The following ASH1L variants were observed in gnomAD, a reference collection of about 807,000 sequenced individuals.
ASH1L encodes ASH1 like histone lysine methyltransferase.
In ASH1L, 23 loss-of-function variants were observed where a neutral mutation model predicts 269.0. The observed-to-expected ratio is 0.09, with a 90% CI of 0.06 to 0.12. The LOEUF (loss-of-function observed/expected upper bound fraction) is 0.12, where lower values mean the gene tolerates loss of function less well. ASH1L is among the 10% of genes least tolerant of loss of function. The pLI, the probability that ASH1L is intolerant of heterozygous loss-of-function variation, is 1.00. For synonymous variants in ASH1L, 1,187 were observed against 1,253.5 expected (o/e 0.95, Z 1.12); for missense variants, 2,912 against 3,567.8 (o/e 0.82, Z 4.68).
At chr1:155,408,000 C>T (rs1428073477) in intron 6 of ASH1L, among the ~76,000 whole-genome samples, 1 of 152,110 alleles carries the variant, frequency 6.6e-6, no homozygotes, top group Non-Finnish European at 1.5e-5. Context: ...AAACTGATTA[C>T]TGTACACTTA....
intron 2 of ASH1L, among the ~76,000 whole-genome samples, chr1:155,500,862 G>A (rs1038538879): frequency 1.3e-5 from 2 of 152,154 alleles, no homozygotes; most frequent in African/African-American, 4.8e-5. Flanking sequence ...CAGCTACTCA[G>A]GAGACTGAGG....
In ASH1L at chr1:155,374,331, G is replaced by GA. The variant is rs968493399; in HGVS notation, c.6333-3349dup. Among the ~76,000 whole-genome samples the GA allele has an allele frequency of 1.5e-4, 22 of 146,718 alleles. No homozygotes were observed. The South Asian group carries it at 1.5e-3, about 10-fold the overall frequency. On this transcript the variant is annotated intron_variant, in intron 10 of 27. Transcript: ENST00000392403. ...CAGAGCGAGACTGTCTCAAAAAAAG[G>GA]AAAAAAAAAAGTGAAAAGTTTTGTA...
chr1:155,506,084 C>G (rs1394774031), intron 2 of ASH1L, among the ~76,000 whole-genome samples: 1 of 151,968 alleles, frequency 6.6e-6, no homozygotes, highest in Admixed American at 6.6e-5. Flanking sequence ...TGAGAACATG[C>G]AGTGTTTGGT....
At chr1:155,475,202 T>C (rs1392323695) in intron 3 of ASH1L, among the ~76,000 whole-genome samples, 1 of 152,112 alleles carries the variant, frequency 6.6e-6, no homozygotes. Context: ...ACTGGCGTGA[T>C]CTGGGCTCAC....
At chr1:155,455,613 G>T (rs1325385837) in intron 4 of ASH1L, among the ~76,000 whole-genome samples, 1 of 152,106 alleles carries the variant, frequency 6.6e-6, no homozygotes. Flanking sequence ...GCAAAATAAA[G>T]GCTGTCATTC....
chr1:155,425,493 C>G (rs1278341712), intron 5 of ASH1L, among the ~76,000 whole-genome samples: 1 of 150,340 alleles, frequency 6.7e-6, no homozygotes, highest in Non-Finnish European at 1.5e-5. Context: ...GGCTGGAGTG[C>G]AATGGTGCGA....
Position 155,542,579 on chromosome 1 carries a change from G to A in ASH1L, c.-100+19574C>T, listed in dbSNP as rs956280886. 4.4e-4 allele frequency among the ~76,000 whole-genome samples: 66 copies of A among 151,576 alleles called. 1 individual carries two copies. On this transcript the variant is annotated intron_variant, in intron 1 of 27. Transcript: ENST00000392403. The stretch of plus-strand genomic sequence containing the variant: ...AATAAATAAATAATTACATTTTGGC[G>A]ATGATTACAGCCTGTCAACTGAAGG...
At chr1:155,390,980 C>G (rs1445709098) in intron 7 of ASH1L, among the ~76,000 whole-genome samples, 1 of 151,006 alleles carries the variant, frequency 6.6e-6, no homozygotes, top group Non-Finnish European at 1.5e-5. Flanking sequence ...GAGTCTTGCT[C>G]TGTTGCCCAG....
chr1:155,418,854 G>A (rs962852556), intron 5 of ASH1L, among the ~76,000 whole-genome samples: 4 of 152,028 alleles, frequency 2.6e-5, no homozygotes, highest in African/African-American at 9.7e-5. Context: ...TGGATCACGA[G>A]GTCAGGAGAT....
intron 7 of ASH1L, among the ~76,000 whole-genome samples, chr1:155,382,024 T>C (rs982929197): frequency 6.7e-6 from 1 of 149,922 alleles, no homozygotes; most frequent in East Asian, 2.0e-4. Flanking sequence ...CTGGCCAACA[T>C]GGTGAAAGCC....
chr1:155,559,573 ATTTT>A (rs1671821693), intron 1 of ASH1L, among the ~76,000 whole-genome samples: 1 of 151,752 alleles, frequency 6.6e-6, no homozygotes, highest in Non-Finnish European at 1.5e-5. Context: ...TACAAAACAT[ATTTT>A]TTTAAAGTAC....
chr1:155,346,586 G>A (rs1653354026), intron 20 of ASH1L, 117 bp from the exon 21 acceptor site: 1 of 763,412 alleles, frequency 1.3e-6, no homozygotes, highest in South Asian at 1.6e-5. Context: ...GGAACTAAGG[G>A]ATAACTGGGT....
intron 1 of ASH1L, among the ~76,000 whole-genome samples, chr1:155,552,053 A>C (rs903879093): frequency 6.6e-6 from 1 of 152,242 alleles, no homozygotes; most frequent in African/African-American, 2.4e-5. Flanking sequence ...TAAAAGATCT[A>C]TATCGAAAAA....
At chr1:155,393,937 A>C (rs1295591440) in intron 7 of ASH1L, among the ~76,000 whole-genome samples, 31 of 152,172 alleles carry the variant, frequency 2.0e-4, no homozygotes, top group Non-Finnish European at 4.4e-5. Flanking sequence ...AGAGTAAGAA[A>C]GACAATGATC....
chr1:155,410,836 G>A (rs1234421576), intron 6 of ASH1L, among the ~76,000 whole-genome samples: 1 of 139,632 alleles, frequency 7.2e-6, no homozygotes, highest in African/African-American at 2.7e-5. Flanking sequence ...GAACTCCTGG[G>A]CTCAAGCAAT....
At chr1:155,433,032 T>C (rs1473515746) in intron 5 of ASH1L, 2 of 957,426 alleles carry the variant, frequency 2.1e-6, no homozygotes, top group Non-Finnish European at 1.5e-6. Flanking sequence ...CAAACTACAG[T>C]AAAGGCAGAA....
chr1:155,474,135 A>G (rs1386859534), intron 3 of ASH1L, among the ~76,000 whole-genome samples: 2 of 152,062 alleles, frequency 1.3e-5, no homozygotes, highest in African/African-American at 4.8e-5. Flanking sequence ...TGCCTGGTCT[A>G]GTATGTCTTT....
At chr1:155,416,478 T>C (rs943027915) in intron 5 of ASH1L, among the ~76,000 whole-genome samples, 2 of 152,138 alleles carry the variant, frequency 1.3e-5, no homozygotes, top group Non-Finnish European at 2.9e-5. Flanking sequence ...GCAGCACTGT[T>C]ATCCCTGAGA....
chr1:155,474,277 A>C (rs542079552), intron 3 of ASH1L, among the ~76,000 whole-genome samples: 6 of 152,192 alleles, frequency 3.9e-5, no homozygotes, highest in African/African-American at 1.4e-4. Flanking sequence ...TGCCTAACAC[A>C]ATTTTTCAAA....
Sources: gnomAD v4.1 joint callset for allele counts (sites outside exome capture counted in the v4.1 genomes callset) on GRCh38, gnomAD v4.1.1 for gene constraint, MANE v1.5 for transcripts, NCBI Gene and HGNC (gene_info 2026-07-23, HGNC 2026-07-21) for gene names.